Variants in RGPD4 observed in about 807,000 individuals in gnomAD.
The protein encoded by RGPD4 is RANBP2 like and GRIP domain containing 4, also known as ranBP2-like and GRIP domain-containing protein 4.
RGPD4 carries 84 observed loss-of-function variants against 141.1 expected under a neutral mutation model. The observed-to-expected ratio is 0.60, with a 90% confidence interval of 0.50 to 0.71. The LOEUF is 0.71. RGPD4 is among the 30% of genes least tolerant of loss of function. The pLI is 0.00. For missense variants in RGPD4, 918 were observed against 1,622.4 expected, an observed-to-expected ratio of 0.57 and a Z score of 7.46; for synonymous variants, 298 against 566.8, an observed-to-expected ratio of 0.53 and a Z score of 6.74.
At chr2:107,880,259 CT>C (rs58305715) in intron 21 of RGPD4, among the ~76,000 whole-genome samples, 152 bp downstream of exon 21, 1,152 of 47,962 alleles carry the variant, frequency 0.024, 1 homozygote, top group Admixed American at 0.055. Flanking sequence ...GAAATATTGC[CT>C]TTTTTTTTTT....
At chr2:107,858,588 G>T (rs1682421443) in intron 9 of RGPD4, among the ~76,000 whole-genome samples, 1 of 152,204 alleles carries the variant, frequency 6.6e-6, no homozygotes, top group Non-Finnish European at 1.5e-5. Flanking sequence ...ATAGGCACGT[G>T]ACACCGTGCT....
At chr2:107,847,232 T>G (rs1681984702) in intron 6 of RGPD4, among the ~76,000 whole-genome samples, 1 of 145,328 alleles carries the variant, frequency 6.9e-6, no homozygotes, top group Admixed American at 6.9e-5. Context: ...CAGAGTGAGA[T>G]TCTGTCTCCA....
intron 21 of RGPD4, among the ~76,000 whole-genome samples, chr2:107,881,910 C>T (rs1213980135): frequency 6.6e-6 from 1 of 151,742 alleles, no homozygotes; most frequent in Non-Finnish European, 1.5e-5. Flanking sequence ...AAGTGCCGTT[C>T]ACTGTGGACG....
intron 9 of RGPD4, among the ~76,000 whole-genome samples, chr2:107,858,076 T>C (rs200201645): frequency 0.075 from 11,449 of 151,924 alleles, 576 homozygotes; most frequent in Admixed American, 0.15. Context: ...TTTATCTTGC[T>C]TCCTTCATGA....
intron 20 of RGPD4, among the ~76,000 whole-genome samples, chr2:107,876,395 T>C (rs1332109740): frequency 6.6e-6 from 1 of 151,192 alleles, no homozygotes; most frequent in Non-Finnish European, 1.5e-5. Context: ...GGCTGACACA[T>C]GTCCTAATTC....
At chr2:107,880,601 C>G (rs1421816396) in intron 21 of RGPD4, among the ~76,000 whole-genome samples, 2 of 150,534 alleles carry the variant, frequency 1.3e-5, no homozygotes, top group East Asian at 3.9e-4. Flanking sequence ...AAGATTATTT[C>G]TTAATTCCTA....
chr2:107,877,870 G>A (rs2104510730), intron 20 of RGPD4, among the ~76,000 whole-genome samples: 2 of 151,868 alleles, frequency 1.3e-5, no homozygotes, highest in Middle Eastern at 3.4e-3. Flanking sequence ...CTGAAGTGCA[G>A]TGGCGTGATC....
intron 9 of RGPD4, among the ~76,000 whole-genome samples, chr2:107,857,894 C>A (rs933024376): frequency 2.4e-4 from 36 of 152,068 alleles, no homozygotes; most frequent in Non-Finnish European, 3.7e-4. Flanking sequence ...GAGGCTGAGG[C>A]AGGAGAATCG....
chr2:107,854,764 G>A (rs901242826), intron 8 of RGPD4, 121 bp downstream of exon 8: 134 of 1,428,104 alleles, frequency 9.4e-5, no homozygotes, highest in South Asian at 1.1e-4. Context: ...TCTTTTCGCC[G>A]TATCAGTTAA....
At chr2:107,874,281 T>C (rs1573525156) in intron 20 of RGPD4, among the ~76,000 whole-genome samples, 1 of 151,220 alleles carries the variant, frequency 6.6e-6, no homozygotes, top group Middle Eastern at 3.4e-3. Context: ...ATGTTGTATT[T>C]GAAAATGGAC....
At chr2:107,859,924 T>A in intron 12 of RGPD4, 79 bp downstream of exon 12, 1 of 1,488,288 alleles carries the variant, frequency 6.7e-7, no homozygotes, top group Admixed American at 2.4e-5. Context: ...TGAAAGTTTT[T>A]TTGTTCTGAA....
At chr2:107,829,859 TC>T (rs1285426717) in intron 1 of RGPD4, among the ~76,000 whole-genome samples, 22 of 152,016 alleles carry the variant, frequency 1.4e-4, no homozygotes, top group Admixed American at 1.4e-3. Context: ...GGGTGCTGTA[TC>T]GGCGGGTTTC....
At position 107,859,576 on chromosome 2, in the gene RGPD4, T is replaced by C. The variant is rs376861077; in HGVS notation, c.1634+22T>C. 3.8e-4 allele frequency: 611 copies of C among 1,611,612 alleles called. 14 individuals carry two copies. The African/African-American group carries it at 7.6e-3, about 20-fold the overall frequency. ...CAGTGTAAGTAGTAAAACAAAAATA[T>C]TGCTTTCACTTAGTGCGTAGGTTTT... On this transcript the variant is annotated intron_variant, in intron 11 of 22. Transcript: ENST00000408999.
chr2:107,857,383 C>A (rs1445336127), intron 9 of RGPD4, among the ~76,000 whole-genome samples: 1 of 150,434 alleles, frequency 6.6e-6, no homozygotes, highest in African/African-American at 2.5e-5. Context: ...AGGTGATCCA[C>A]CTGCCTTGGC....
At chr2:107,834,457 G>A (rs1681600997) in intron 1 of RGPD4, among the ~76,000 whole-genome samples, 2 of 151,950 alleles carry the variant, frequency 1.3e-5, no homozygotes, top group South Asian at 4.2e-4. Context: ...AAATCTCACA[G>A]CCTCCTGCTC....
chr2:107,858,594 G>A (rs55636422), intron 9 of RGPD4, among the ~76,000 whole-genome samples: 1,912 of 152,046 alleles, frequency 0.013, no homozygotes, highest in African/African-American at 0.044. Flanking sequence ...ACGTGACACC[G>A]TGCTCGGCTA....
chr2:107,878,427 C>T (rs1191123520), intron 20 of RGPD4, among the ~76,000 whole-genome samples: 5 of 150,300 alleles, frequency 3.3e-5, no homozygotes, highest in African/African-American at 7.3e-5. Context: ...CTGTGTCTTC[C>T]GCCAGCACAT....
rs753511114 is a variant in RGPD4, at chr2:107,871,948, C to A, written c.3944C>A (p.Ser1315Ter). 3 of 1,611,456 alleles carry A rather than the reference C, an allele frequency of 1.9e-6. No homozygotes were observed. The highest frequency in any genetic ancestry group is 2.5e-6 in the Non-Finnish European group (3 of 1,179,836). The change falls in exon 20 of 23, where the codon TCA (serine) becomes TAA (stop). Residue 1315 changes from serine (S) to a stop codon, truncating the protein, a stop_gained. Transcript: ENST00000408999. LOFTEE classifies it high-confidence loss of function. ...SPAKLNQSGT[S>*]VGTDEESDVT... The stretch of plus-strand genomic sequence containing the variant: ...GCCAAGTTGAATCAGAGTGGGACTT[C>A]AGTTGGCACTGATGAAGAATCTGAT...
chr2:107,835,071 CTTTTTTTTTTTTTTTT>C (rs1195678590), intron 1 of RGPD4, among the ~76,000 whole-genome samples: 1 of 11,646 alleles, frequency 8.6e-5, no homozygotes, highest in African/African-American at 6.3e-4. Context: ...GTTGTATCAG[CTTTTTTTTTTTTTTTT>C]TTTTTTTTTT....
Sources: allele counts gnomAD v4.1 joint callset (sites outside exome capture counted in the v4.1 genomes callset), GRCh38; gene constraint gnomAD v4.1.1; transcripts MANE v1.5; gene names NCBI Gene and HGNC (gene_info 2026-07-23, HGNC 2026-07-21).